CNOT9: variants seen among roughly 807,000 people sequenced by gnomAD.
CNOT9 encodes CCR4-NOT transcription complex subunit 9, also known as RCD1 required for cell differentiation1 homolog.
Under a neutral mutation model 37.4 loss-of-function variants are expected in CNOT9, and 8 were observed. The observed-to-expected ratio is 0.21, with a 90% CI of 0.13 to 0.39. The LOEUF is 0.39. Among genes scored for constraint, CNOT9 ranks in the 10% least tolerant of loss-of-function variants. CNOT9 has a pLI of 1.00. For missense variants in CNOT9, 154 were observed against 365.3 expected (o/e 0.42, Z 4.71); for synonymous variants, 120 against 137.6 (o/e 0.87, Z 0.90).
chr2:218,582,085 A>C (rs1694406001), intron 2 of CNOT9, among the ~76,000 whole-genome samples: 2 of 110,874 alleles, frequency 1.8e-5, no homozygotes, highest in Non-Finnish European at 4.4e-5. Flanking sequence ...TGTCTCAAAA[A>C]AAAAGAAAAA....
Position 218,592,946 on chromosome 2 carries a change from G to A in CNOT9, c.731+239G>A, listed in dbSNP as rs183846259. On this transcript the variant is annotated intron_variant, in intron 7 of 7. Coordinates refer to ENST00000273064, the MANE Select transcript of CNOT9 (RefSeq NM_005444.3). The surrounding 1 kb of genome is among the most constrained non-coding windows in gnomAD (Gnocchi z 4.1). ...CTGTGAAATTCCAGAGAGTCTAGGC[G>A]ATTCCAAAGGAAACCTTATGATGCA... 177 of 516,014 alleles carry A rather than the reference G, an allele frequency of 3.4e-4. 1 individual carries two copies. In the East Asian group the frequency reaches 5.7e-3, roughly 17 times the overall value. 32.0% of individuals were successfully genotyped at this position (516,014 alleles called of 1,614,324 possible). A position where few individuals can be genotyped will look rare whatever the true frequency, so the allele number is the denominator to read the frequency against.
chr2:218,585,825 A>G (rs2106092637), intron 4 of CNOT9, among the ~76,000 whole-genome samples: 1 of 151,802 alleles, frequency 6.6e-6, no homozygotes. Context: ...TTTTTTGTAG[A>G]CACAAGGTCT....
intron 5 of CNOT9, among the ~76,000 whole-genome samples, chr2:218,590,408 G>A (rs1206482769): frequency 6.6e-6 from 1 of 152,114 alleles, no homozygotes. Context: ...AAAATTCAAG[G>A]TACACTTAAG....
chr2:218,568,978 GGT>G lies in CNOT9; in HGVS notation c.24+2_24+3del. On this transcript the variant is annotated splice_donor_variant, in intron 1 of 7. Coordinates refer to ENST00000273064, the MANE Select transcript of CNOT9 (RefSeq NM_005444.3). LOFTEE classifies it high-confidence loss of function. ...ACATGCACAGCCTGGCGACGGCTGC[GGT>G]GAGTGGCTGGGCCCCCAGGCTTGGA... The G allele has an allele frequency of 6.2e-7, 1 of 1,611,340 alleles. No individual in the cohort carries two copies. The highest frequency in any genetic ancestry group is 8.5e-7 in the Non-Finnish European group (1 of 1,178,828).
chr2:218,588,783 C>A (rs959201402), intron 5 of CNOT9, among the ~76,000 whole-genome samples: 10 of 150,274 alleles, frequency 6.7e-5, no homozygotes, highest in Non-Finnish European at 1.5e-4. Context: ...TCATGTTGGA[C>A]AGGCTGGTCT....
At chr2:218,575,387 C>CTTTTTTTTTTTTTTTTTTTT (rs71064461) in intron 1 of CNOT9, among the ~76,000 whole-genome samples, 1 of 127,232 alleles carries the variant, frequency 7.9e-6, no homozygotes, top group African/African-American at 2.8e-5. Context: ...TTTCTTTTTT[C>CTTTTTTTTTTTTTTTTTTTT]TTTTTTTTTT....
intron 4 of CNOT9, among the ~76,000 whole-genome samples, chr2:218,585,752 A>T (rs1694573510): frequency 6.6e-6 from 1 of 151,140 alleles, no homozygotes. Flanking sequence ...AAATCCACCC[A>T]CCTCAGCCTT....
Position 218,594,360 on chromosome 2 carries a change from CG to C in CNOT9, c.*85del. The C allele has an allele frequency of 1.4e-6, 2 of 1,420,716 alleles. No individual in the cohort carries two copies. Among genetic ancestry groups the C allele is most frequent in the South Asian group, 2.7e-5 (2 of 75,204 alleles). 88.0% of individuals were successfully genotyped at this position (1,420,716 alleles called of 1,614,324 possible). On this transcript the variant is annotated 3_prime_UTR_variant, in exon 8 of 8. Coordinates refer to ENST00000273064, the MANE Select transcript of CNOT9 (RefSeq NM_005444.3). Reference sequence around the variant, plus strand: ...AGAAAAACAGCTCAGGTTTTATCACCGACTGGGAATAGACAACCTCAATGCT... The same window carrying C: ...AGAAAAACAGCTCAGGTTTTATCACCACTGGGAATAGACAACCTCAATGCT...
chr2:218,586,382 T>C (rs1490783253), intron 4 of CNOT9, among the ~76,000 whole-genome samples: 2 of 152,140 alleles, frequency 1.3e-5, no homozygotes, highest in South Asian at 2.1e-4. Context: ...TGCTCCCTCA[T>C]TCGCTCTCTG....
chr2:218,579,923 A>AT (rs1381733272), intron 1 of CNOT9, among the ~76,000 whole-genome samples: 1 of 149,712 alleles, frequency 6.7e-6, no homozygotes, highest in Non-Finnish European at 1.5e-5. Flanking sequence ...TGCTCAAGCG[A>AT]TTCTAGTGCC....
intron 1 of CNOT9, among the ~76,000 whole-genome samples, chr2:218,578,913 A>G (rs1029333088): frequency 6.6e-6 from 1 of 152,246 alleles, no homozygotes; most frequent in African/African-American, 2.4e-5. Flanking sequence ...CTTTAGCATA[A>G]TAATGAAAGC....
chr2:218,578,654 C>A (rs375807883), intron 1 of CNOT9, among the ~76,000 whole-genome samples: 2 of 151,862 alleles, frequency 1.3e-5, no homozygotes, highest in Non-Finnish European at 2.9e-5. Flanking sequence ...AGCCTTCCCC[C>A]CCGCCTCCCG....
At chr2:218,575,222 C>G (rs1454549663) in intron 1 of CNOT9, among the ~76,000 whole-genome samples, 1 of 152,094 alleles carries the variant, frequency 6.6e-6, no homozygotes, top group Non-Finnish European at 1.5e-5. Context: ...AAATTGAGGT[C>G]TTTCCTGTTC....
intron 5 of CNOT9, among the ~76,000 whole-genome samples, chr2:218,590,340 A>G (rs997041519): frequency 2.0e-5 from 3 of 152,186 alleles, no homozygotes; most frequent in African/African-American, 7.2e-5. Context: ...AATATTCTGT[A>G]TTTTATACAA....
chr2:218,576,385 C>T (rs914470800), intron 1 of CNOT9, among the ~76,000 whole-genome samples: 5 of 152,056 alleles, frequency 3.3e-5, no homozygotes, highest in Admixed American at 2.6e-4. Flanking sequence ...GTTATATGTC[C>T]ATGTGTGTGT....
At chr2:218,569,570 C>T (rs1427781229) in intron 1 of CNOT9, among the ~76,000 whole-genome samples, 1 of 152,166 alleles carries the variant, frequency 6.6e-6, no homozygotes, top group African/African-American at 2.4e-5. Context: ...TCCTACTTCT[C>T]TTGGCATTTA....
At chr2:218,578,308 A>G (rs1356136418) in intron 1 of CNOT9, among the ~76,000 whole-genome samples, 4 of 152,256 alleles carry the variant, frequency 2.6e-5, no homozygotes, top group Non-Finnish European at 5.9e-5. Flanking sequence ...GGCTAGTGAA[A>G]TAGTAAAAAT....
In CNOT9 at chr2:218,568,883, T is replaced by A; in HGVS notation, c.-72T>A. ...GCTACGGCGGCTCATTGTTTTCCGC[T>A]GCAGGGGTGCTGAAGGGGGGACGCG... On this transcript the variant is annotated 5_prime_UTR_variant, in exon 1 of 8. Coordinates refer to ENST00000273064, the MANE Select transcript of CNOT9 (RefSeq NM_005444.3). 1.3e-6 allele frequency: 2 copies of A among 1,550,770 alleles called. No homozygotes were observed. Among genetic ancestry groups the A allele is most frequent in the East Asian group, 2.4e-5 (1 of 42,096 alleles).
At chr2:218,590,063 T>TTGTTG (rs1553566075) in intron 5 of CNOT9, among the ~76,000 whole-genome samples, 1 of 142,776 alleles carries the variant, frequency 7.0e-6, no homozygotes, top group African/African-American at 2.5e-5. Flanking sequence ...TGTTTTTTTT[T>TTGTTG]TTGTTGTTGT....
Sources: gnomAD v4.1 joint callset for allele counts (sites outside exome capture counted in the v4.1 genomes callset) on GRCh38, gnomAD v4.1.1 for gene constraint, Gnocchi (gnomAD v3.1) non-coding constraint, MANE v1.5 for transcripts, NCBI Gene and HGNC (gene_info 2026-07-23, HGNC 2026-07-21) for gene names.